TMEM266: variants seen among roughly 807,000 people sequenced by gnomAD.
TMEM266 encodes the protein transmembrane protein 266.
In TMEM266, 33 loss-of-function variants were observed where a neutral mutation model predicts 50.5. That is an observed-to-expected ratio of 0.65 (90% confidence interval 0.50 to 0.87). The LOEUF is 0.87. Among genes scored for constraint, TMEM266 ranks in the 40% least tolerant of loss-of-function variants. TMEM266 has a pLI of 0.00. For synonymous variants in TMEM266, 310 were observed against 292.3 expected (o/e 1.06, Z -0.62); for missense variants, 655 against 695.1 (o/e 0.94, Z 0.65).
intron 4 of TMEM266, among the ~76,000 whole-genome samples, chr15:76,158,947 C>T (rs994369563): frequency 5.9e-5 from 9 of 152,190 alleles, no homozygotes; most frequent in African/African-American, 1.9e-4. Flanking sequence ...CCCAGAGCTT[C>T]GGGAGAGGTT....
chr15:76,123,396 C>T (rs1372838283), intron 1 of TMEM266, among the ~76,000 whole-genome samples: 1 of 152,138 alleles, frequency 6.6e-6, no homozygotes, highest in African/African-American at 2.4e-5. Context: ...CAGTGGCTTC[C>T]CCCTAGGAGC....
At position 76,203,873 on chromosome 15, in the gene TMEM266, C is replaced by A. The variant is rs371381699; in HGVS notation, c.1154C>A (p.Thr385Asn). Residue 385 changes from threonine to asparagine, a missense_variant, in exon 11 of 11, where the codon ACC (threonine) becomes AAC (asparagine). Physicochemically the swap from Thr to Asn is moderately conservative, Grantham distance 65. Transcript: ENST00000388942. ...CTCGGCGGTAATGGCACCAGCGCCA[C>A]CTCGGAGAGTGCCTCCCGCAGCTCA... 1 of 1,614,238 alleles carries A rather than the reference C, an allele frequency of 6.2e-7. No individual in the cohort carries two copies. Among genetic ancestry groups the A allele is most frequent in the Non-Finnish European group, 8.5e-7 (1 of 1,180,044 alleles).
chr15:76,091,915 C>T (rs2036854003), intron 1 of TMEM266, among the ~76,000 whole-genome samples: 1 of 151,868 alleles, frequency 6.6e-6, no homozygotes, highest in Admixed American at 6.6e-5. Context: ...AGCTTGAACC[C>T]AGGAGGTCAA....
chr15:76,078,774 A>G (rs1324701450), intron 1 of TMEM266, among the ~76,000 whole-genome samples: 1 of 152,200 alleles, frequency 6.6e-6, no homozygotes, highest in Non-Finnish European at 1.5e-5. Context: ...TGGCTGCTGT[A>G]TTAAAATACT....
chr15:76,189,218 GAA>G (rs1251015880), intron 8 of TMEM266, among the ~76,000 whole-genome samples: 1 of 151,664 alleles, frequency 6.6e-6, no homozygotes, highest in Non-Finnish European at 1.5e-5. Flanking sequence ...AAAAGACAGA[GAA>G]AGAGAAAGGA....
chr15:76,174,248 C>G (rs2038235483), intron 7 of TMEM266, among the ~76,000 whole-genome samples: 1 of 152,040 alleles, frequency 6.6e-6, no homozygotes, highest in Non-Finnish European at 1.5e-5. Flanking sequence ...GTAAAATCCA[C>G]CCATTTAAAG....
chr15:76,192,178 G>C lies in TMEM266; in HGVS notation c.958+21G>C, dbSNP rs957176330. On this transcript the variant is annotated intron_variant, in intron 9 of 10. Transcript: ENST00000388942. Reference sequence around the variant, plus strand: ...GCAAGGTAAGCCCGGGTCTCCACCCGGCCCCAGAGTGTCACGGCCGGGGAT... The same window carrying C: ...GCAAGGTAAGCCCGGGTCTCCACCCCGCCCCAGAGTGTCACGGCCGGGGAT... 10 of 1,390,766 alleles carry C rather than the reference G, an allele frequency of 7.2e-6. No individual in the cohort carries two copies. The African/African-American group carries it at 1.4e-4, about 19-fold the overall frequency. The allele number at this position is 1,390,766 out of a possible 1,614,324, so 86.2% of individuals were successfully genotyped here. A position where few individuals can be genotyped will look rare whatever the true frequency, so the allele number is the denominator to read the frequency against.
Position 76,192,046 on chromosome 15 carries a change from G to A in TMEM266, c.847G>A (p.Ala283Thr). ...TGCCGAGCGCGAAGCGGCGCTCCAG[G>A]CCCCGCACGTGCTCAGCCAGCCGCG... The change falls in exon 9 of 11, where the codon GCC becomes ACC. Residue 283 changes from alanine (A) to threonine (T), a missense_variant. By Grantham distance (58) the Ala-to-Thr change is moderately conservative (BLOSUM62 0). Around this residue, in one of 3 missense-constraint regions of TMEM266, gnomAD observed 455 missense variants for 401.8 expected, o/e 1.13. Transcript: ENST00000388942. 2.6e-6 allele frequency: 4 copies of A among 1,544,974 alleles called. No homozygotes were observed. Among genetic ancestry groups the A allele is most frequent in the Non-Finnish European group, 2.6e-6 (3 of 1,152,664 alleles).
rs73446431 is a variant in TMEM266, at chr15:76,127,677, A to G, written c.-96-6491A>G. Among the ~76,000 whole-genome samples, 765 of 152,258 alleles carry G rather than the reference A, an allele frequency of 5.0e-3. 6 individuals are homozygous for G. Among genetic ancestry groups the G allele is most frequent in the African/African-American group, 0.017 (722 of 41,540 alleles). ...CTAGGTATACTGTTGTTTGCAAACA[A>G]AAGTATTTCTAACTGATACACCCTA... On this transcript the variant is annotated intron_variant, in intron 1 of 10. Transcript: ENST00000388942.
chr15:76,167,278 G>A (rs2038111967), intron 5 of TMEM266, among the ~76,000 whole-genome samples: 1 of 151,934 alleles, frequency 6.6e-6, no homozygotes, highest in Non-Finnish European at 1.5e-5. Flanking sequence ...AGACCATCCT[G>A]GCTAACATGG....
chr15:76,133,899 G>A (rs932586611), intron 1 of TMEM266, among the ~76,000 whole-genome samples: 1 of 152,192 alleles, frequency 6.6e-6, no homozygotes, highest in Non-Finnish European at 1.5e-5. Flanking sequence ...TGGATGAGAA[G>A]TCAGAGAACC....
At chr15:76,134,039 A>T (rs2037553551) in intron 1 of TMEM266, 129 bp from the exon 2 acceptor site, 1 of 450,076 alleles carries the variant, frequency 2.2e-6, no homozygotes, top group African/African-American at 2.0e-5. Flanking sequence ...AATTGTAAGA[A>T]TCTATTCAAC....
chr15:76,138,787 G>A (rs2037632406), intron 3 of TMEM266, among the ~76,000 whole-genome samples: 1 of 152,238 alleles, frequency 6.6e-6, no homozygotes, highest in South Asian at 2.1e-4. Context: ...CAATCAGCTT[G>A]GATGCCTTCG....
intron 1 of TMEM266, among the ~76,000 whole-genome samples, chr15:76,089,254 G>C (rs2036816117): frequency 9.3e-6 from 1 of 107,406 alleles, no homozygotes; most frequent in African/African-American, 3.6e-5. Flanking sequence ...GAGTGCAGTG[G>C]CGTAATCTCG....
At chr15:76,109,615 C>T (rs1274590842) in intron 1 of TMEM266, among the ~76,000 whole-genome samples, 1 of 152,098 alleles carries the variant, frequency 6.6e-6, no homozygotes, top group Non-Finnish European at 1.5e-5. Context: ...GAGCCATGAT[C>T]CTGCCTCTGC....
intron 1 of TMEM266, among the ~76,000 whole-genome samples, chr15:76,089,415 G>A (rs914429145): frequency 1.3e-5 from 2 of 151,810 alleles, no homozygotes; most frequent in Non-Finnish European, 2.9e-5. Flanking sequence ...GGATGGTCTC[G>A]ATCTCCTGAC....
chr15:76,110,225 G>A (rs1369344224), intron 1 of TMEM266, among the ~76,000 whole-genome samples: 8 of 151,310 alleles, frequency 5.3e-5, no homozygotes, highest in African/African-American at 1.7e-4. Context: ...GGCTGGTCTC[G>A]AACTCCTGAC....
intron 1 of TMEM266, among the ~76,000 whole-genome samples, chr15:76,100,812 G>C (rs963451968): frequency 6.6e-6 from 1 of 152,188 alleles, no homozygotes; most frequent in African/African-American, 2.4e-5. Flanking sequence ...CACTGAAATG[G>C]ATCTTAGATC....
chr15:76,181,982 A>G (rs766012082), intron 8 of TMEM266, among the ~76,000 whole-genome samples: 5 of 152,148 alleles, frequency 3.3e-5, no homozygotes, highest in Admixed American at 2.0e-4. Flanking sequence ...CTGCTTCCTC[A>G]GCACCATTCA....
Sources: allele counts gnomAD v4.1 joint callset (sites outside exome capture counted in the v4.1 genomes callset), GRCh38; gene constraint gnomAD v4.1.1; regional missense constraint gnomAD v4.1.1; transcripts MANE v1.5; gene names NCBI Gene and HGNC (gene_info 2026-07-23, HGNC 2026-07-21).